Variants in KIAA0753 observed in about 807,000 individuals in gnomAD.
KIAA0753 encodes the protein KIAA0753.
Under a neutral mutation model 116.9 loss-of-function variants are expected in KIAA0753, and 114 were observed. That is an observed-to-expected ratio of 0.98 (90% confidence interval 0.84 to 1.14). The LOEUF (loss-of-function observed/expected upper bound fraction) is 1.14. Ranked by LOEUF, KIAA0753 falls within the 50% of genes most tolerant of loss-of-function variation. The pLI is 0.00. For synonymous variants in KIAA0753, 405 were observed against 413.1 expected (o/e 0.98, Z 0.24); for missense variants, 1,156 against 1,172.4 (o/e 0.99, Z 0.20).
chr17:6,592,246 A>G (rs1969123926), intron 16 of KIAA0753, among the ~76,000 whole-genome samples: 1 of 152,210 alleles, frequency 6.6e-6, no homozygotes, highest in Non-Finnish European at 1.5e-5. Context: ...TCTTTTGGTC[A>G]AAATTTGAGA....
intron 7 of KIAA0753, among the ~76,000 whole-genome samples, chr17:6,615,541 C>T (rs375651137): frequency 6.1e-4 from 85 of 139,452 alleles, no homozygotes; most frequent in African/African-American, 2.1e-3. Flanking sequence ...TGTGAACCCG[C>T]GAGGCGTAGC....
chr17:6,614,417 A>G (rs374823515), intron 7 of KIAA0753, among the ~76,000 whole-genome samples: 1 of 152,072 alleles, frequency 6.6e-6, no homozygotes, highest in African/African-American at 2.4e-5. Context: ...GTATATTCAT[A>G]TAAGGGAAAC....
intron 6 of KIAA0753, among the ~76,000 whole-genome samples, chr17:6,621,840 A>G (rs1344719626): frequency 1.3e-5 from 2 of 152,208 alleles, no homozygotes; most frequent in Non-Finnish European, 2.9e-5. Context: ...TACGTTAAAA[A>G]AGCATCACAT....
Position 6,608,386 on chromosome 17 carries a change from T to C in KIAA0753, c.1791A>G (p.Glu597=), listed in dbSNP as rs2150822898. Residue 597 remains glutamate (E), a synonymous_variant, in exon 10 of 19, where the codon GAA becomes GAG. Coordinates refer to ENST00000361413, the MANE Select transcript of KIAA0753 (RefSeq NM_014804.3). ...EPLQQEDPQE[E]SHLTGAVEHE... is the part of the protein sequence containing the mutation. ...GCTCAACAGCACCTGTCAGGTGACT[T>C]TCCTCTTGAGGATCTTCTTGCTGGA... 4 of 1,557,648 alleles carry C rather than the reference T, an allele frequency of 2.6e-6. No homozygotes were observed. In the South Asian group the frequency reaches 4.8e-5, roughly 18 times the overall value.
chr17:6,634,859 AAGAC>A, intron 2 of KIAA0753, 148 bp downstream of exon 2: 1 of 588,590 alleles, frequency 1.7e-6, no homozygotes, highest in Non-Finnish European at 3.0e-6. Flanking sequence ...AAAAATTTTA[AAGAC>A]AGATGGTTGA....
chr17:6,607,011 A>C (rs377255897), intron 11 of KIAA0753, 49 bp from the exon 12 acceptor site: 10 of 1,557,542 alleles, frequency 6.4e-6, no homozygotes, highest in Non-Finnish European at 8.0e-6. Context: ...AGGCAGAGTC[A>C]GGGCTCCCTT....
rs754889473 is a variant in KIAA0753 at position 6,589,834 on chromosome 17, G to A, written c.2731C>T (p.Arg911Trp). Reference sequence around the variant, plus strand: ...CCTACAGCCTCATGAGATATGATCCGAAGGTACTGCTCAAAACGACTACAG... The same window carrying A: ...CCTACAGCCTCATGAGATATGATCCAAAGGTACTGCTCAAAACGACTACAG... ...DYCSRFEQYL[R>W]IISHEAVGSF... Residue 911 changes from arginine (R) to tryptophan (W), a missense_variant, in exon 18 of 19, where the codon CGG (arginine) becomes TGG (tryptophan). By Grantham distance (101) the Arg-to-Trp change is moderately radical. Coordinates refer to ENST00000361413, the MANE Select transcript of KIAA0753 (RefSeq NM_014804.3). 11 of 1,613,862 alleles carry A rather than the reference G, an allele frequency of 6.8e-6. No individual in the cohort carries two copies. The Admixed American group carries it at 8.3e-5, about 12-fold the overall frequency.
At chr17:6,613,170 A>G (rs1448687117) in intron 7 of KIAA0753, among the ~76,000 whole-genome samples, 3 of 152,200 alleles carry the variant, frequency 2.0e-5, no homozygotes, top group Admixed American at 1.3e-4. Context: ...AATAGAAAAT[A>G]TAAGAAAAAA....
At chr17:6,598,237 A>AT (rs1318085986) in intron 14 of KIAA0753, among the ~76,000 whole-genome samples, 9 of 152,150 alleles carry the variant, frequency 5.9e-5, no homozygotes, top group Non-Finnish European at 1.3e-4. Flanking sequence ...AAAAAAAAAT[A>AT]TATCATTTAG....
chr17:6,628,889 G>A (rs1038154734), intron 2 of KIAA0753, 148 bp from the exon 3 acceptor site: 3 of 693,558 alleles, frequency 4.3e-6, no homozygotes, highest in Non-Finnish European at 7.1e-6. Context: ...ACACAGCCAC[G>A]CTCCTACACC....
In KIAA0753 at chr17:6,596,235, C is replaced by T; in HGVS notation, c.2281G>A (p.Glu761Lys). 1 of 1,613,882 alleles carries T rather than the reference C, an allele frequency of 6.2e-7. No individual in the cohort carries two copies. The highest frequency in any genetic ancestry group is 1.3e-5 in the African/African-American group (1 of 75,008). The change falls in exon 15 of 19, where the codon GAA becomes AAA. Residue 761 changes from glutamate (E) to lysine (K), a missense_variant. Physicochemically the swap from Glu to Lys is moderately conservative, Grantham distance 56. Coordinates refer to ENST00000361413, the MANE Select transcript of KIAA0753 (RefSeq NM_014804.3). ...CTGTCCTCAACGGTGGCTAAGGTTT[C>T]AGACCCCAAGATCTTAGCATGAGTC... is the stretch of plus-strand genomic sequence containing the variant. ...AVTHAKILGS[E>K]TLATVEDSKD...
intron 7 of KIAA0753, among the ~76,000 whole-genome samples, chr17:6,615,462 C>T (rs1382921242): frequency 6.6e-6 from 1 of 151,708 alleles, no homozygotes; most frequent in Non-Finnish European, 1.5e-5. Flanking sequence ...TAAAAGTGCT[C>T]CACTTAATAA....
In KIAA0753 at chr17:6,640,651, G is replaced by A. The variant is rs1054328776; in HGVS notation, c.-83C>T. On this transcript the variant is annotated 5_prime_UTR_variant, in exon 1 of 19. Transcript: ENST00000361413. ...CCCGAGCCCACCTGGCCTAGGGTGA[G>A]GCGCGGCTACTGGGAGGCGGGCAAC... The A allele has an allele frequency of 3.8e-5, 6 of 158,540 alleles. No individual in the cohort carries two copies. The highest frequency in any genetic ancestry group is 2.5e-4 in the Admixed American group (4 of 16,116). The allele number at this position is 158,540 out of a possible 1,614,324, so 9.8% of individuals were successfully genotyped here. A position where few individuals can be genotyped will look rare whatever the true frequency, so the allele number is the denominator to read the frequency against.
chr17:6,596,010 G>C (rs1476722234), intron 15 of KIAA0753, 148 bp downstream of exon 15: 4 of 748,134 alleles, frequency 5.3e-6, no homozygotes, highest in African/African-American at 3.5e-5. Context: ...ACGATACCAA[G>C]GTCATACAGT....
chr17:6,582,200 C>T (rs1003679369), intron 18 of KIAA0753, among the ~76,000 whole-genome samples: 8 of 152,190 alleles, frequency 5.3e-5, no homozygotes, highest in South Asian at 2.1e-4. Flanking sequence ...CAACTGTTAA[C>T]CCATGTCACT....
intron 8 of KIAA0753, 109 bp downstream of exon 8, chr17:6,611,810 A>T: frequency 1.3e-6 from 1 of 792,048 alleles, no homozygotes; most frequent in Non-Finnish European, 2.1e-6. Context: ...AGACTCAAGG[A>T]CTGCAGCATC....
intron 3 of KIAA0753, among the ~76,000 whole-genome samples, chr17:6,625,612 A>C (rs1288599782): frequency 6.6e-6 from 1 of 152,006 alleles, no homozygotes. Flanking sequence ...GGTTGCAGTG[A>C]GCTGAGATCG....
rs1488929595 is a variant in KIAA0753 at position 6,580,010 on chromosome 17, C to T, written c.2787-146G>A. 4.3e-5 allele frequency: 25 copies of T among 581,808 alleles called. No homozygotes were observed. In the Admixed American group the frequency reaches 6.4e-4, roughly 15 times the overall value. The allele number at this position is 581,808 out of a possible 1,614,324, so 36.0% of individuals were successfully genotyped here. On this transcript the variant is annotated intron_variant, in intron 18 of 18. Coordinates refer to ENST00000361413, the MANE Select transcript of KIAA0753 (RefSeq NM_014804.3). ...CCAGCCTGGCCAACATGGTGAAACC[C>T]GGTCTCTACTAAAAATACATAAAAT...
At chr17:6,627,473 A>G (rs1296800118) in intron 3 of KIAA0753, among the ~76,000 whole-genome samples, 2 of 152,178 alleles carry the variant, frequency 1.3e-5, no homozygotes, top group Non-Finnish European at 2.9e-5. Context: ...GCAATCTGAA[A>G]GCTGGGCTTG....
Sources: allele counts gnomAD v4.1 joint callset (sites outside exome capture counted in the v4.1 genomes callset), GRCh38; gene constraint gnomAD v4.1.1; transcripts MANE v1.5; gene names NCBI Gene and HGNC (gene_info 2026-07-23, HGNC 2026-07-21).